BCAS3: variants seen among roughly 807,000 people sequenced by gnomAD.
BCAS3 encodes BCAS4/BCAS3 fusion.
In BCAS3, 53 loss-of-function variants were observed where a neutral mutation model predicts 116.1. That is an observed-to-expected ratio of 0.46 (90% CI 0.37 to 0.57). The LOEUF is 0.57. Among genes scored for constraint, BCAS3 ranks in the 20% least tolerant of loss-of-function variants. BCAS3 has a pLI of 0.00. For missense variants in BCAS3, 917 were observed against 1,165.4 expected (o/e 0.79, Z 3.10); for synonymous variants, 391 against 408.2 (o/e 0.96, Z 0.51).
chr17:60,720,725 A>G (rs74702800), intron 5 of BCAS3, among the ~76,000 whole-genome samples: 3,738 of 152,316 alleles, frequency 0.025, 117 homozygotes, highest in East Asian at 0.074. Context: ...TAAAGTATAT[A>G]GGAGGATGTG....
chr17:60,735,510 G>A (rs983581777), intron 5 of BCAS3, among the ~76,000 whole-genome samples: 5 of 152,004 alleles, frequency 3.3e-5, no homozygotes, highest in African/African-American at 1.2e-4. Context: ...CTTGAGTGCA[G>A]TGGCACGATC....
chr17:61,082,363 C>CT lies in BCAS3; in HGVS notation c.2328-2097dup, dbSNP rs1332847160. ...TTCCATCATCCCAACCAGTTTTTCT[C>CT]TTTTTTTAATTATGAAGAAAATTCA... On this transcript the variant is annotated intron_variant, in intron 21 of 23. Coordinates refer to ENST00000407086, the MANE Select transcript of BCAS3 (RefSeq NM_017679.5). The surrounding 1 kb of genome is among the most constrained non-coding windows in gnomAD (Gnocchi z 5.1). Among the ~76,000 whole-genome samples, 1 of 152,074 alleles carries CT rather than the reference C, an allele frequency of 6.6e-6. No homozygotes were observed. Among genetic ancestry groups the CT allele is most frequent in the African/African-American group, 2.4e-5 (1 of 41,398 alleles).
intron 6 of BCAS3, among the ~76,000 whole-genome samples, chr17:60,778,985 A>G (rs927328736): frequency 1.3e-5 from 2 of 152,208 alleles, no homozygotes; most frequent in Non-Finnish European, 2.9e-5. Context: ...AAACATCTAA[A>G]CAATCTTTTT....
chr17:60,814,496 T>C (rs974720506), intron 7 of BCAS3, among the ~76,000 whole-genome samples: 3 of 152,158 alleles, frequency 2.0e-5, no homozygotes, highest in Non-Finnish European at 4.4e-5. Flanking sequence ...ATAATCATAT[T>C]GCCAGTGAAG....
rs374633359 is a variant in BCAS3, at chr17:60,723,067, G to A, written c.321+13742G>A. 1.3e-4 allele frequency among the ~76,000 whole-genome samples: 20 copies of A among 152,062 alleles called. No homozygotes were observed. In the East Asian group the frequency reaches 1.7e-3, roughly 13 times the overall value. ...TATTTCAAAAAATGCTTTTTATTTT[G>A]CAATAAATTTCAAACTTCCAGAAAA... is the stretch of plus-strand genomic sequence containing the variant. On this transcript the variant is annotated intron_variant, in intron 5 of 23. Transcript: ENST00000407086.
At chr17:60,898,299 A>G (rs144892479) in intron 10 of BCAS3, among the ~76,000 whole-genome samples, 1 of 152,148 alleles carries the variant, frequency 6.6e-6, no homozygotes, top group Non-Finnish European at 1.5e-5. Context: ...CTTTACATTG[A>G]TATTTGCACA....
In BCAS3 at chr17:61,233,100, G is replaced by A. The variant is rs1353398260; in HGVS notation, c.2426-135227G>A. On this transcript the variant is annotated intron_variant, in intron 22 of 23. Coordinates refer to ENST00000407086, the MANE Select transcript of BCAS3 (RefSeq NM_017679.5). The surrounding 1 kb of genome is among the most constrained non-coding windows in gnomAD (Gnocchi z 4.3). ...CTGTGTGACTAATTTGAGTAGGAGG[G>A]TGATAAACTTTGTTACCACTTAAAA... Among the ~76,000 whole-genome samples the A allele has an allele frequency of 6.6e-6, 1 of 152,146 alleles. No homozygotes were observed. Among genetic ancestry groups the A allele is most frequent in the East Asian group, 1.9e-4 (1 of 5,198 alleles).
At position 60,977,477 on chromosome 17, in the gene BCAS3, G is replaced by A. The variant is rs919071668; in HGVS notation, c.1222-12494G>A. ...ACAGGCATGAGCCATTGCATTTGGC[G>A]GAAGCACTTTCTTTTTATTATTATT... On this transcript the variant is annotated intron_variant, in intron 14 of 23. Transcript: ENST00000407086. Among the ~76,000 whole-genome samples, 10 of 151,298 alleles carry A rather than the reference G, an allele frequency of 6.6e-5. No individual in the cohort carries two copies. The East Asian group carries it at 7.8e-4, about 12-fold the overall frequency.
intron 22 of BCAS3, among the ~76,000 whole-genome samples, chr17:61,100,116 G>A (rs988250071): frequency 1.3e-5 from 2 of 152,202 alleles, no homozygotes; most frequent in Admixed American, 6.5e-5. Flanking sequence ...TGTTAAGACT[G>A]TAGAGAACAC....
intron 13 of BCAS3, among the ~76,000 whole-genome samples, chr17:60,942,215 C>T (rs1006475510): frequency 7.9e-5 from 12 of 152,146 alleles, no homozygotes; most frequent in African/African-American, 2.7e-4. Flanking sequence ...TGCCTGAGCT[C>T]GGGAGTCAGA....
intron 10 of BCAS3, among the ~76,000 whole-genome samples, chr17:60,900,588 A>G (rs1277780787): frequency 6.6e-6 from 1 of 152,102 alleles, no homozygotes; most frequent in African/African-American, 2.4e-5. Flanking sequence ...GTGATTCTCT[A>G]TGCACTATTT....
intron 5 of BCAS3, among the ~76,000 whole-genome samples, chr17:60,730,116 T>G (rs1055548095): frequency 1.3e-5 from 2 of 152,218 alleles, no homozygotes; most frequent in African/African-American, 4.8e-5. Context: ...AAGTGTAATA[T>G]CTAAATCAGT....
In BCAS3 at chr17:60,947,338, G is replaced by A. The variant is rs1308011930; in HGVS notation, c.1207G>A (p.Glu403Lys). ...VHHLYTLHRGETEAKVQDICF... is the reference protein window; with the variant it reads ...VHHLYTLHRGKTEAKVQDICF... ...CCATCTGTATACTCTTCACAGGGGA[G>A]AAACTGAAGCCAAAGTAAGCTGTAT... The change falls in exon 14 of 24, where the codon GAA (glutamate) becomes AAA (lysine). Residue 403 changes from glutamate (E) to lysine (K), a missense_variant. Around this residue, in one of 3 missense-constraint regions of BCAS3, gnomAD observed 807 missense variants for 1,026.0 expected, o/e 0.79. Coordinates refer to ENST00000407086, the MANE Select transcript of BCAS3 (RefSeq NM_017679.5). 1.2e-6 allele frequency: 2 copies of A among 1,613,102 alleles called. No individual in the cohort carries two copies. Among genetic ancestry groups the A allele is most frequent in the Non-Finnish European group, 1.7e-6 (2 of 1,179,554 alleles).
intron 15 of BCAS3, among the ~76,000 whole-genome samples, chr17:61,002,348 A>G (rs999550664): frequency 1.3e-5 from 2 of 152,018 alleles, no homozygotes; most frequent in Non-Finnish European, 2.9e-5. Context: ...TTTGCTTTTT[A>G]CTGCTTGTGG....
intron 13 of BCAS3, among the ~76,000 whole-genome samples, chr17:60,932,764 AAAAG>A (rs1801982360): frequency 6.6e-6 from 1 of 151,338 alleles, no homozygotes; most frequent in Non-Finnish European, 1.5e-5. Flanking sequence ...AAAAAAAAAA[AAAAG>A]AATCGTCTCC....
At chr17:60,863,430 T>A (rs2054321233) in intron 7 of BCAS3, among the ~76,000 whole-genome samples, 1 of 152,040 alleles carries the variant, frequency 6.6e-6, no homozygotes. Context: ...TCCCGTTAAT[T>A]TTTTGGTTTC....
intron 10 of BCAS3, among the ~76,000 whole-genome samples, chr17:60,894,813 T>C (rs1226171089): frequency 1.3e-5 from 2 of 152,256 alleles, no homozygotes; most frequent in African/African-American, 4.8e-5. Flanking sequence ...TTCTTGTATC[T>C]ATTGAGATGA....
intron 22 of BCAS3, among the ~76,000 whole-genome samples, chr17:61,179,699 C>T (rs987907927): frequency 1.3e-5 from 2 of 152,052 alleles, no homozygotes; most frequent in Admixed American, 6.6e-5. Context: ...GCATTTTGCC[C>T]AACATTGGCT....
chr17:61,322,808 G>GAGAGAC (rs2055354964), intron 22 of BCAS3, among the ~76,000 whole-genome samples: 3 of 128,968 alleles, frequency 2.3e-5, no homozygotes, highest in African/African-American at 9.5e-5. Context: ...GAGAGAGAGA[G>GAGAGAC]AGAGAGAGAG....
Sources: allele counts gnomAD v4.1 joint callset (sites outside exome capture counted in the v4.1 genomes callset), GRCh38; gene constraint gnomAD v4.1.1; regional missense constraint gnomAD v4.1.1; non-coding constraint Gnocchi (gnomAD v3.1); transcripts MANE v1.5; gene names NCBI Gene and HGNC (gene_info 2026-07-23, HGNC 2026-07-21).